Variants in FANCC observed in about 807,000 individuals in gnomAD.
FANCC encodes the protein FA complementation group C, also known as Fanconi anemia group C protein.
In FANCC, 55 loss-of-function variants were observed where a neutral mutation model predicts 71.3. The observed-to-expected ratio is 0.77, with a 90% CI of 0.62 to 0.97. The LOEUF is 0.97. Among genes scored for constraint, FANCC ranks in the 50% least tolerant of loss-of-function variants. The pLI, the probability that FANCC is intolerant of heterozygous loss-of-function variation, is 0.00. For missense variants in FANCC, 678 were observed against 670.9 expected, an observed-to-expected ratio of 1.01 and a Z score of -0.12; for synonymous variants, 275 against 244.9, an observed-to-expected ratio of 1.12 and a Z score of -1.15.
chr9:95,300,194 T>C (rs945054083), intron 1 of FANCC, among the ~76,000 whole-genome samples: 2 of 152,172 alleles, frequency 1.3e-5, no homozygotes, highest in Non-Finnish European at 2.9e-5. Flanking sequence ...ACCTCAGCCT[T>C]CTATCTCCAT....
intron 4 of FANCC, among the ~76,000 whole-genome samples, chr9:95,227,550 C>T (rs1321135488): frequency 6.6e-6 from 1 of 152,194 alleles, no homozygotes; most frequent in Non-Finnish European, 1.5e-5. Context: ...CTATCCTCCA[C>T]TGCTCCACTC....
intron 10 of FANCC, among the ~76,000 whole-genome samples, chr9:95,119,468 C>T (rs544052648): frequency 1.9e-4 from 28 of 150,462 alleles, no homozygotes; most frequent in Middle Eastern, 3.5e-3. Flanking sequence ...CAGGTTCAAG[C>T]GATTCTCCTG....
At chr9:95,126,212 T>C (rs1426540405) in intron 9 of FANCC, among the ~76,000 whole-genome samples, 2 of 152,230 alleles carry the variant, frequency 1.3e-5, no homozygotes, top group Admixed American at 1.3e-4. Context: ...ATTGCTACCC[T>C]TTATTCTGAG....
chr9:95,172,121 T>C lies in FANCC; in HGVS notation c.372A>G (p.Ala124=), dbSNP rs1315830332. The C allele has an allele frequency of 6.2e-7, 1 of 1,612,468 alleles. No individual in the cohort carries two copies. The highest frequency in any genetic ancestry group is 1.3e-5 in the African/African-American group (1 of 74,866). The change falls in exon 5 of 15, where the codon GCA becomes GCG. Residue 124 remains alanine, a synonymous_variant. Transcript: ENST00000289081. Reference sequence around the variant, plus strand: ...GAGCAACTTCTTTATCAAATCTGAGTGCTGAAAGTATATGAGATAATACAC... The same window carrying C: ...GAGCAACTTCTTTATCAAATCTGAGCGCTGAAAGTATATGAGATAATACAC... ...IQGVLSHILS[A]LRFDKEVALF...
intron 1 of FANCC, among the ~76,000 whole-genome samples, chr9:95,283,283 A>G (rs1833478845): frequency 6.6e-6 from 1 of 152,230 alleles, no homozygotes; most frequent in Non-Finnish European, 1.5e-5. Flanking sequence ...GTTAGGCACC[A>G]TACCATATCT....
Position 95,100,869 on chromosome 9 carries a change from A to G in FANCC, c.*838T>C, listed in dbSNP as rs1273132044. The G allele has an allele frequency of 4.3e-6, 1 of 231,472 alleles. No individual in the cohort carries two copies. The highest frequency in any genetic ancestry group is 8.5e-6 in the Non-Finnish European group (1 of 117,018). The allele number at this position is 231,472 out of a possible 1,614,324, so 14.3% of individuals were successfully genotyped here. Reference sequence around the variant, plus strand: ...AGTCTGGAACTCCTGGGCTGAAGTAATCCCCCTGCCTTGGCCTCCCAAAGT... The same window carrying G: ...AGTCTGGAACTCCTGGGCTGAAGTAGTCCCCCTGCCTTGGCCTCCCAAAGT... On this transcript the variant is annotated 3_prime_UTR_variant, in exon 15 of 15. Coordinates refer to ENST00000289081, the MANE Select transcript of FANCC (RefSeq NM_000136.3).
At chr9:95,150,236 TTC>T in intron 6 of FANCC, 149 bp from the exon 7 acceptor site, 1 of 729,012 alleles carries the variant, frequency 1.4e-6, no homozygotes, top group Non-Finnish European at 2.3e-6. Context: ...CGATGAACAC[TTC>T]TCTTTTATCC....
chr9:95,102,543 A>G (rs2071142494), intron 14 of FANCC, among the ~76,000 whole-genome samples: 3 of 152,216 alleles, frequency 2.0e-5, no homozygotes, highest in Admixed American at 6.5e-5. Flanking sequence ...TAAGTTTTTG[A>G]AAGAGTAACC....
intron 4 of FANCC, among the ~76,000 whole-genome samples, chr9:95,174,914 C>A (rs895080907): frequency 2.0e-5 from 3 of 151,978 alleles, no homozygotes; most frequent in African/African-American, 7.3e-5. Context: ...TCAATTTCAT[C>A]ATAAAGTATC....
chr9:95,198,686 A>C (rs1827608665), intron 4 of FANCC, among the ~76,000 whole-genome samples: 1 of 152,082 alleles, frequency 6.6e-6, no homozygotes, highest in Non-Finnish European at 1.5e-5. Context: ...GTCTCATAAG[A>C]CCCAAGTATT....
chr9:95,135,427 C>T lies in FANCC; in HGVS notation c.762G>A (p.Met254Ile). ...AGATTAGCTTTTCAAAAAGATGCAG[C>T]ATTGCTTTTTCAAGGCTGGGAAGGT... Reference protein sequence around the residue: ...LRHLPSLEKAMLHLFEKLISS... With the variant: ...LRHLPSLEKAILHLFEKLISS... The change falls in exon 8 of 15, where the codon ATG becomes ATA. Residue 254 changes from methionine (M) to isoleucine (I), a missense_variant. Met to Ile is a conservative substitution (Grantham distance 10, BLOSUM62 1). Transcript: ENST00000289081. 1 of 1,613,962 alleles carries T rather than the reference C, an allele frequency of 6.2e-7. No homozygotes were observed. The highest frequency in any genetic ancestry group is 8.5e-7 in the Non-Finnish European group (1 of 1,179,900).
intron 4 of FANCC, among the ~76,000 whole-genome samples, chr9:95,190,691 C>G (rs1827034805): frequency 6.6e-6 from 1 of 152,210 alleles, no homozygotes; most frequent in African/African-American, 2.4e-5. Flanking sequence ...TGGGTGAGAC[C>G]AGAGCAGGTC....
intron 4 of FANCC, among the ~76,000 whole-genome samples, chr9:95,202,190 C>T (rs902136630): frequency 5.9e-5 from 9 of 152,190 alleles, no homozygotes; most frequent in African/African-American, 1.9e-4. Flanking sequence ...CTCATGTGAC[C>T]GGAGACTAAA....
chr9:95,269,750 G>C (rs1188972522), intron 1 of FANCC, among the ~76,000 whole-genome samples: 2 of 152,066 alleles, frequency 1.3e-5, no homozygotes, highest in African/African-American at 4.8e-5. Flanking sequence ...GGTCTGAGAG[G>C]GACACTCTGG....
chr9:95,169,451 C>T (rs1825522474), intron 6 of FANCC, among the ~76,000 whole-genome samples: 1 of 152,134 alleles, frequency 6.6e-6, no homozygotes, highest in Admixed American at 6.5e-5. Flanking sequence ...TTACTGTATG[C>T]GATTTCCTCA....
chr9:95,309,870 A>G (rs1302537138), intron 1 of FANCC, among the ~76,000 whole-genome samples: 1 of 152,190 alleles, frequency 6.6e-6, no homozygotes, highest in African/African-American at 2.4e-5. Context: ...CTCCAGAATC[A>G]CCATTGCAAA....
Position 95,126,578 on chromosome 9 carries a change from G to C in FANCC, c.847C>G (p.Gln283Glu), listed in dbSNP as rs1564667865. ...AATATGGCAGGGTGGCAGGCTGCTTGAGGCTGTAAAAGGAGAAGACCATGA... is the reference window on the plus strand; with the variant it reads ...AATATGGCAGGGTGGCAGGCTGCTTCAGGCTGTAAAAGGAGAAGACCATGA... Reference protein sequence around the residue: ...ECFIKDSSLPQAACHPAIFRV... With the variant: ...ECFIKDSSLPEAACHPAIFRV... The change falls in exon 9 of 15, where the codon CAA becomes GAA. Residue 283 changes from glutamine to glutamate, a missense_variant. Transcript: ENST00000289081. The C allele has an allele frequency of 1.2e-6, 2 of 1,614,048 alleles. No homozygotes were observed. The highest frequency in any genetic ancestry group is 1.7e-6 in the Non-Finnish European group (2 of 1,179,936).
At chr9:95,123,873 T>C (rs757796576) in intron 10 of FANCC, 2 of 562,782 alleles carry the variant, frequency 3.6e-6, no homozygotes, top group African/African-American at 1.9e-5. Flanking sequence ...ACGTAAGGAG[T>C]TGAGTCCTTA....
rs1017160018 is a variant in FANCC, at chr9:95,107,661, C to T, written c.1330-392G>A. On this transcript the variant is annotated intron_variant, in intron 13 of 14. Coordinates refer to ENST00000289081, the MANE Select transcript of FANCC (RefSeq NM_000136.3). ...AAGCCCCACGCAGTCAGACCTCCGC[C>T]GAGCCAGTGTTCCCATACGAATGTA... 3.2e-5 allele frequency: 12 copies of T among 375,260 alleles called. No homozygotes were observed. The Admixed American group carries it at 3.3e-4, about 10-fold the overall frequency. 23.2% of individuals were successfully genotyped at this position (375,260 alleles called of 1,614,324 possible).
Sources: allele counts gnomAD v4.1 joint callset (sites outside exome capture counted in the v4.1 genomes callset), GRCh38; gene constraint gnomAD v4.1.1; transcripts MANE v1.5; gene names NCBI Gene and HGNC (gene_info 2026-07-23, HGNC 2026-07-21).